Variants in ACTR3B observed in about 807,000 individuals in gnomAD.
ACTR3B encodes actin related protein 3B, also known as actin-related protein 3B.
A neutral mutation model predicts 59.0 loss-of-function variants in ACTR3B; 8 were observed. The observed-to-expected ratio is 0.14, with a 90% confidence interval of 0.08 to 0.24. The LOEUF (loss-of-function observed/expected upper bound fraction) is 0.24. ACTR3B is among the 10% of genes least tolerant of loss of function. ACTR3B has a pLI of 1.00. For missense variants in ACTR3B, 245 were observed against 552.3 expected, an observed-to-expected ratio of 0.44 and a Z score of 5.58; for synonymous variants, 148 against 197.9, an observed-to-expected ratio of 0.75 and a Z score of 2.12.
At chr7:152,790,245 G>C (rs2098191043) in intron 2 of ACTR3B, among the ~76,000 whole-genome samples, 1 of 152,120 alleles carries the variant, frequency 6.6e-6, no homozygotes, top group Admixed American at 6.5e-5. Context: ...CTCCCACCTT[G>C]GTCTCTCAAA....
chr7:152,838,435 A>ACAGAAAACCAAACACTGCATGTTCT (rs1797633395), intron 9 of ACTR3B, among the ~76,000 whole-genome samples: 1 of 152,254 alleles, frequency 6.6e-6, no homozygotes, highest in Non-Finnish European at 1.5e-5. Context: ...TATCACAGGA[A>ACAGAAAACCAAACACTGCATGTTCT]CAGAAAACCA....
intron 7 of ACTR3B, among the ~76,000 whole-genome samples, chr7:152,821,987 C>G (rs1590367443): frequency 6.6e-6 from 1 of 152,232 alleles, no homozygotes; most frequent in Non-Finnish European, 1.5e-5. Flanking sequence ...CATTTCCTAG[C>G]AAGCATTTGA....
In ACTR3B at chr7:152,787,108, G is replaced by A. The variant is rs572842818; in HGVS notation, c.100+3866G>A. ...GCAACACCTAATTAGGTATTGCCAC[G>A]TTACTCCTCCAGGAGGCTGTTCTGA... On this transcript the variant is annotated intron_variant, in intron 2 of 11. Coordinates refer to ENST00000256001, the MANE Select transcript of ACTR3B (RefSeq NM_020445.6). Among the ~76,000 whole-genome samples, 449 of 152,214 alleles carry A rather than the reference G, an allele frequency of 2.9e-3. 3 individuals carry two copies. The highest frequency in any genetic ancestry group is 0.01 in the African/African-American group (429 of 41,544).
chr7:152,822,836 C>T (rs1193443280), intron 7 of ACTR3B, among the ~76,000 whole-genome samples: 1 of 152,238 alleles, frequency 6.6e-6, no homozygotes, highest in African/African-American at 2.4e-5. Context: ...TAACAACCAG[C>T]AGGTTGACAG....
intron 2 of ACTR3B, among the ~76,000 whole-genome samples, chr7:152,788,879 C>T (rs192615502): frequency 1.8e-4 from 28 of 152,268 alleles, no homozygotes; most frequent in Non-Finnish European, 3.4e-4. Context: ...AAAAATTAGC[C>T]GGATGTGGTG....
chr7:152,830,802 C>T (rs1796965723), intron 9 of ACTR3B, among the ~76,000 whole-genome samples: 1 of 152,162 alleles, frequency 6.6e-6, no homozygotes, highest in East Asian at 1.9e-4. Context: ...CATCCTGCCT[C>T]AGCCCCAAAG....
chr7:152,806,572 C>G (rs1471475815), intron 4 of ACTR3B, among the ~76,000 whole-genome samples: 2 of 152,154 alleles, frequency 1.3e-5, no homozygotes, highest in Non-Finnish European at 1.5e-5. Context: ...GAATATATGG[C>G]TTTCATTCTA....
chr7:152,810,747 C>G (rs1795164337), intron 4 of ACTR3B: 1 of 151,918 alleles, frequency 6.6e-6, no homozygotes, highest in African/African-American at 2.4e-5. Context: ...ACTAAAAATA[C>G]AAAACTTAAC....
At chr7:152,833,434 A>G (rs1222346698) in intron 9 of ACTR3B, among the ~76,000 whole-genome samples, 2 of 152,166 alleles carry the variant, frequency 1.3e-5, no homozygotes, top group Non-Finnish European at 2.9e-5. Flanking sequence ...ACTTTTCAAG[A>G]ACACAATATA....
At chr7:152,800,377 T>A (rs2098231397) in intron 2 of ACTR3B, among the ~76,000 whole-genome samples, 154 bp from the exon 3 acceptor site, 1 of 152,310 alleles carries the variant, frequency 6.6e-6, no homozygotes, top group Non-Finnish European at 1.5e-5. Context: ...TTTTATGTAC[T>A]CATTGACATT....
intron 4 of ACTR3B, among the ~76,000 whole-genome samples, chr7:152,810,242 G>T (rs923415447): frequency 7.9e-5 from 12 of 152,158 alleles, no homozygotes; most frequent in African/African-American, 2.9e-4. Flanking sequence ...GACTGGCTGG[G>T]ATTACAGGCG....
chr7:152,849,706 A>G (rs1050563686), intron 9 of ACTR3B, among the ~76,000 whole-genome samples: 3 of 152,270 alleles, frequency 2.0e-5, no homozygotes, highest in Admixed American at 1.3e-4. Context: ...AGGGTTGGAC[A>G]TGGCTTCTTT....
At chr7:152,851,290 CA>C (rs1684950612) in intron 9 of ACTR3B, among the ~76,000 whole-genome samples, 1 of 152,230 alleles carries the variant, frequency 6.6e-6, no homozygotes, top group Admixed American at 6.5e-5. Flanking sequence ...GTACCATACT[CA>C]CCCTTCCTCA....
At chr7:152,760,033 C>T (rs1224851611) in intron 1 of ACTR3B, 107 bp downstream of exon 1, 38 of 1,064,474 alleles carry the variant, frequency 3.6e-5, no homozygotes, top group Non-Finnish European at 4.2e-5. Flanking sequence ...CGGGCTTGAG[C>T]CCCGCGATCA....
At chr7:152,778,480 C>A (rs1277529065) in intron 1 of ACTR3B, among the ~76,000 whole-genome samples, 2 of 151,872 alleles carry the variant, frequency 1.3e-5, no homozygotes, top group Admixed American at 6.6e-5. Flanking sequence ...TCAGGTGATC[C>A]AACACCTCAG....
At chr7:152,765,109 CTTTTT>C (rs71182039) in intron 1 of ACTR3B, among the ~76,000 whole-genome samples, 2 of 66,282 alleles carry the variant, frequency 3.0e-5, no homozygotes, top group South Asian at 6.2e-4. Flanking sequence ...TACCCTGGCC[CTTTTT>C]TTTTTTTTTT....
chr7:152,838,343 T>C (rs1224526971), intron 9 of ACTR3B, among the ~76,000 whole-genome samples: 1 of 152,018 alleles, frequency 6.6e-6, no homozygotes, highest in Non-Finnish European at 1.5e-5. Context: ...CACCATGGAA[T>C]ACTATGAAGC....
chr7:152,778,757 T>C (rs2098142432), intron 1 of ACTR3B, among the ~76,000 whole-genome samples: 1 of 151,074 alleles, frequency 6.6e-6, no homozygotes, highest in African/African-American at 2.4e-5. Context: ...CTGGGCAACA[T>C]AGGAAGACCC....
At chr7:152,801,083 T>G (rs1271287940) in intron 3 of ACTR3B, among the ~76,000 whole-genome samples, 8 of 151,618 alleles carry the variant, frequency 5.3e-5, no homozygotes. Flanking sequence ...TTGTATTTTT[T>G]GTTGTTGTTT....
Sources: gnomAD v4.1 joint callset for allele counts (sites outside exome capture counted in the v4.1 genomes callset) on GRCh38, gnomAD v4.1.1 for gene constraint, MANE v1.5 for transcripts, NCBI Gene and HGNC (gene_info 2026-07-23, HGNC 2026-07-21) for gene names.